FGF13: variants seen among roughly 807,000 people sequenced by gnomAD.
FGF13 encodes the protein fibroblast growth factor homologous factor 2.
FGF13 carries 2 observed loss-of-function variants against 19.5 expected under a neutral mutation model. That is an observed-to-expected ratio of 0.10 (90% confidence interval 0.04 to 0.32). FGF13 has a LOEUF of 0.32. Among genes scored for constraint, FGF13 ranks in the 10% least tolerant of loss-of-function variants. The pLI is 1.00. For synonymous variants in FGF13, 72 were observed against 76.9 expected (o/e 0.94, Z 0.33); for missense variants, 113 against 192.7 (o/e 0.59, Z 2.45).
At chrX:139,199,673 T>C (rs887199521) in intron 1 of FGF13, among the ~76,000 whole-genome samples, 2 of 111,428 alleles carry the variant, frequency 1.8e-5, no homozygotes, top group African/African-American at 6.5e-5. Context: ...GCTGTGGGCA[T>C]AGACCTCAAC....
intron 3 of FGF13, among the ~76,000 whole-genome samples, chrX:138,793,541 T>A (rs1420157657): frequency 1.8e-5 from 2 of 111,852 alleles, no homozygotes; most frequent in Non-Finnish European, 3.8e-5. Context: ...CCTGGTCTAA[T>A]ATGTGTGTCA....
At chrX:138,867,833 C>CTATCATCT (rs1556269063) in intron 1 of FGF13, among the ~76,000 whole-genome samples, 1,857 of 99,189 alleles carry the variant, frequency 0.019, 24 homozygotes, top group East Asian at 0.03. Flanking sequence ...ATCTATCTAT[C>CTATCATCT]ATCTATCTAT....
intron 1 of FGF13, among the ~76,000 whole-genome samples, chrX:138,942,996 C>T (rs1018368115): frequency 1.8e-5 from 2 of 112,167 alleles, no homozygotes; most frequent in Non-Finnish European, 3.8e-5. Flanking sequence ...TTCTACTTTG[C>T]TCATGTAATT....
chrX:139,158,841 C>A (rs1348564686), intron 1 of FGF13, among the ~76,000 whole-genome samples: 2 of 111,359 alleles, frequency 1.8e-5, no homozygotes, highest in Non-Finnish European at 3.8e-5. Flanking sequence ...AAGACCAAAC[C>A]TACATTTGAC....
At chrX:138,808,970 A>T (rs1232780110) in intron 3 of FGF13, among the ~76,000 whole-genome samples, 1 of 111,727 alleles carries the variant, frequency 9.0e-6, no homozygotes, top group African/African-American at 3.3e-5. Context: ...ACCAAACAAA[A>T]AAAGTCCAGG....
At chrX:139,065,125 G>C (rs2092350572) in intron 1 of FGF13, among the ~76,000 whole-genome samples, 1 of 110,349 alleles carries the variant, frequency 9.1e-6, no homozygotes, top group Non-Finnish European at 1.9e-5. Flanking sequence ...ATCACCAACA[G>C]GCCTGCCTTA....
chrX:138,717,159 C>G (rs1015326950), intron 1 of FGF13, among the ~76,000 whole-genome samples: 1 of 111,749 alleles, frequency 8.9e-6, no homozygotes, highest in African/African-American at 3.3e-5. Flanking sequence ...GCTGCAACAT[C>G]GAGAGTTCAA....
chrX:138,919,204 G>T (rs1190678469), intron 1 of FGF13, among the ~76,000 whole-genome samples: 1 of 111,482 alleles, frequency 9.0e-6, no homozygotes, highest in African/African-American at 3.3e-5. Flanking sequence ...AACATTTGTG[G>T]TATATTTAAC....
At chrX:138,703,234 C>A (rs1398642494) in intron 2 of FGF13, 147 bp from the exon 3 acceptor site, 13 of 459,589 alleles carry the variant, frequency 2.8e-5, no homozygotes, top group Non-Finnish European at 4.7e-5. Context: ...GACATGCATA[C>A]ACATACAGAC....
rs150145415 is a variant in FGF13 at position 139,079,575 on chromosome X, A to G, written c.-113+123841T>C. On this transcript the variant is annotated intron_variant, in intron 1 of 2. Coordinates refer to the FGF13 transcript ENST00000421460. ...TATATGAGCACAAAAATGATGAAGAATTTGGGGCTGAACTTCACCCACACC... is the reference window on the plus strand; with the variant it reads ...TATATGAGCACAAAAATGATGAAGAGTTTGGGGCTGAACTTCACCCACACC... Among the ~76,000 whole-genome samples the G allele has an allele frequency of 1.1e-3, 120 of 110,836 alleles. 2 individuals are homozygous for G. In the East Asian group the frequency reaches 0.02, roughly 19 times the overall value.
intron 3 of FGF13, among the ~76,000 whole-genome samples, chrX:138,825,622 C>G (rs1178094009): frequency 2.7e-5 from 3 of 111,770 alleles, no homozygotes; most frequent in East Asian, 5.6e-4. Context: ...CTGCTACTTA[C>G]AAGCTGTGTG....
intron 3 of FGF13, among the ~76,000 whole-genome samples, chrX:138,755,881 G>A (rs1363245797): frequency 8.9e-6 from 1 of 111,976 alleles, no homozygotes. Context: ...CTCACAATGT[G>A]ACTATATTTG....
At chrX:139,058,963 A>G (rs1258453480) in intron 1 of FGF13, among the ~76,000 whole-genome samples, 1 of 111,150 alleles carries the variant, frequency 9.0e-6, no homozygotes, top group Non-Finnish European at 1.9e-5. Flanking sequence ...CATTGCATTC[A>G]AGGGGATTAC....
At chrX:138,856,691 A>T (rs184234053), downstream of FGF13, among the ~76,000 whole-genome samples, 3 of 112,279 alleles carry the variant, frequency 2.7e-5, no homozygotes, top group East Asian at 8.5e-4. Flanking sequence ...CATTTACATT[A>T]TAATTCTCAG....
At chrX:138,753,692 G>C (rs2090412892) in intron 3 of FGF13, among the ~76,000 whole-genome samples, 1 of 111,993 alleles carries the variant, frequency 8.9e-6, no homozygotes, top group South Asian at 3.7e-4. Context: ...GTTAAGCCAA[G>C]AGGAACTCTC....
chrX:138,914,067 T>A (rs1228793583), intron 1 of FGF13, among the ~76,000 whole-genome samples: 1 of 109,599 alleles, frequency 9.1e-6, no homozygotes, highest in Non-Finnish European at 1.9e-5. Context: ...AAAATTTTCA[T>A]AAGACTTTGA....
At chrX:138,996,328 T>C (rs1415348722) in intron 1 of FGF13, among the ~76,000 whole-genome samples, 1 of 112,571 alleles carries the variant, frequency 8.9e-6, no homozygotes, top group African/African-American at 3.2e-5. Context: ...CCTGCCCAGA[T>C]ACTGCGCTTT....
At chrX:139,007,628 T>C (rs1457999627) in intron 1 of FGF13, among the ~76,000 whole-genome samples, 2 of 112,185 alleles carry the variant, frequency 1.8e-5, no homozygotes, top group African/African-American at 6.5e-5. Flanking sequence ...ATTCAAAAAA[T>C]TGAAATAATA....
Position 138,995,849 on chromosome X carries a change from G to A in FGF13, c.-112-131199C>T, listed in dbSNP as rs145539912. Among the ~76,000 whole-genome samples, 27 of 112,005 alleles carry A rather than the reference G, an allele frequency of 2.4e-4. No individual in the cohort carries two copies. The East Asian group carries it at 7.7e-3, about 32-fold the overall frequency. Reference sequence around the variant, plus strand: ...AGTAATGGGATTGCTGGGTCGAATGGTAGTTCTGCTTTTAGCTTTTTGAGA... The same window carrying A: ...AGTAATGGGATTGCTGGGTCGAATGATAGTTCTGCTTTTAGCTTTTTGAGA... On this transcript the variant is annotated intron_variant, in intron 1 of 2. Coordinates refer to the FGF13 transcript ENST00000421460.
Sources: gnomAD v4.1 joint callset for allele counts (sites outside exome capture counted in the v4.1 genomes callset) on GRCh38, gnomAD v4.1.1 for gene constraint, MANE v1.5 for transcripts, NCBI Gene and HGNC (gene_info 2026-07-23, HGNC 2026-07-21) for gene names.